Variants in SOX5 observed in about 807,000 individuals in gnomAD.
SOX5 encodes transcription factor SOX-5.
Under a neutral mutation model 92.0 loss-of-function variants are expected in SOX5, and 9 were observed. The ratio of observed to expected loss-of-function variants is 0.10; its 90% CI spans 0.06 to 0.17. The LOEUF (loss-of-function observed/expected upper bound fraction) is 0.17. Ranked by LOEUF, SOX5 falls within the 10% of genes least tolerant of loss-of-function variation. The probability of loss-of-function intolerance (pLI) is 1.00; values close to 1 mark genes in which losing one functional copy is unlikely to be tolerated. For synonymous variants in SOX5, 344 were observed against 336.3 expected, an observed-to-expected ratio of 1.02 and a Z score of -0.25; for missense variants, 642 against 944.5, an observed-to-expected ratio of 0.68 and a Z score of 4.20.
At chr12:23,608,115 GAAA>G (rs772255622) in intron 8 of SOX5, among the ~76,000 whole-genome samples, 15 of 44,060 alleles carry the variant, frequency 3.4e-4, no homozygotes, top group African/African-American at 9.3e-4. Context: ...AAAGAAAAAA[GAAA>G]AAAAAAAAAA....
intron 4 of SOX5, among the ~76,000 whole-genome samples, chr12:24,186,225 T>G (rs776874196): frequency 3.3e-5 from 5 of 151,994 alleles, no homozygotes; most frequent in Non-Finnish European, 7.4e-5. Context: ...AGCAAAATAT[T>G]TAGAGAATTC....
chr12:24,196,894 C>A (rs995930293), intron 4 of SOX5, among the ~76,000 whole-genome samples: 3 of 152,074 alleles, frequency 2.0e-5, no homozygotes, highest in South Asian at 4.2e-4. Context: ...CAGAGCTAAA[C>A]CCTGTCTTGA....
intron 1 of SOX5, among the ~76,000 whole-genome samples, chr12:23,904,058 C>G (rs1318114350): frequency 6.6e-6 from 1 of 152,104 alleles, no homozygotes; most frequent in East Asian, 1.9e-4. Flanking sequence ...TCTTATAGTT[C>G]ATGCTTTCCT....
At chr12:23,902,544 A>G (rs1248605470) in intron 1 of SOX5, among the ~76,000 whole-genome samples, 1 of 152,020 alleles carries the variant, frequency 6.6e-6, no homozygotes, top group African/African-American at 2.4e-5. Flanking sequence ...ATCTCAAACT[A>G]TATCATCAAC....
At chr12:23,663,266 G>A (rs1220973796) in intron 7 of SOX5, among the ~76,000 whole-genome samples, 1 of 152,044 alleles carries the variant, frequency 6.6e-6, no homozygotes, top group Non-Finnish European at 1.5e-5. Context: ...TATTTCCAAG[G>A]TTACAAAAGA....
At chr12:24,191,537 G>A (rs1401474170) in intron 4 of SOX5, among the ~76,000 whole-genome samples, 2 of 152,150 alleles carry the variant, frequency 1.3e-5, no homozygotes, top group Non-Finnish European at 2.9e-5. Context: ...CCAACAGCTA[G>A]ATATTCAGCA....
intron 1 of SOX5, among the ~76,000 whole-genome samples, chr12:24,442,745 C>T (rs1026955383): frequency 1.1e-4 from 17 of 151,962 alleles, no homozygotes; most frequent in African/African-American, 3.6e-4. Flanking sequence ...TGGTGAAGAG[C>T]GAGCAAGAGA....
intron 6 of SOX5, among the ~76,000 whole-genome samples, chr12:23,700,394 C>T (rs2090464937): frequency 6.6e-6 from 1 of 152,112 alleles, no homozygotes; most frequent in Admixed American, 6.6e-5. Flanking sequence ...TTAAACTTCT[C>T]ATTTTTCTCT....
chr12:24,376,914 T>C (rs1957345394), intron 1 of SOX5, among the ~76,000 whole-genome samples: 1 of 150,818 alleles, frequency 6.6e-6, no homozygotes, highest in Non-Finnish European at 1.5e-5. Flanking sequence ...TTTTACCATG[T>C]TGCCCAGGCT....
Position 23,923,070 on chromosome 12 carries a change from C to G in SOX5, c.38+26494G>C, listed in dbSNP as rs181487327. On this transcript the variant is annotated intron_variant, in intron 1 of 14. Coordinates refer to ENST00000451604, the MANE Select transcript of SOX5 (RefSeq NM_006940.6). ...CCGCCATTCTCCTGCCTCAGCCTCC[C>G]GAGTAGCTGGGACTACAGGCGCCCG... Among the ~76,000 whole-genome samples the G allele has an allele frequency of 3.5e-3, 527 of 151,960 alleles. 3 individuals are homozygous for G. The highest frequency in any genetic ancestry group is 0.012 in the African/African-American group (483 of 41,478).
chr12:23,855,281 CTTTTGT>C (rs548835642), intron 2 of SOX5, among the ~76,000 whole-genome samples: 2 of 151,690 alleles, frequency 1.3e-5, no homozygotes, highest in African/African-American at 2.4e-5. Flanking sequence ...ACAAACTTTT[CTTTTGT>C]TTTTAAGAGA....
intron 1 of SOX5, among the ~76,000 whole-genome samples, chr12:23,918,925 G>GAAA (rs111430391): frequency 7.9e-6 from 1 of 126,680 alleles, no homozygotes; most frequent in African/African-American, 2.8e-5. Context: ...TCAAAAAAAA[G>GAAA]AAAAAAAAAG....
chr12:24,530,277 A>G (rs748353634), intron 1 of SOX5, among the ~76,000 whole-genome samples: 1 of 152,228 alleles, frequency 6.6e-6, no homozygotes, highest in Non-Finnish European at 1.5e-5. Flanking sequence ...TTTACAGGCA[A>G]GGAAAGAAAG....
intron 1 of SOX5, among the ~76,000 whole-genome samples, chr12:23,941,880 T>A (rs1466293972): frequency 3.3e-5 from 5 of 151,144 alleles, no homozygotes; most frequent in Non-Finnish European, 7.4e-5. Flanking sequence ...TAACCTGAAT[T>A]ATATGTGACA....
At chr12:23,558,987 C>G (rs1220900747) in intron 11 of SOX5, among the ~76,000 whole-genome samples, 2 of 152,224 alleles carry the variant, frequency 1.3e-5, no homozygotes, top group African/African-American at 4.8e-5. Flanking sequence ...AGTAAAGGCA[C>G]AGTCTTCCCA....
chr12:24,431,085 A>T (rs948919310), intron 1 of SOX5, among the ~76,000 whole-genome samples: 8 of 152,164 alleles, frequency 5.3e-5, no homozygotes, highest in African/African-American at 1.9e-4. Flanking sequence ...TTTAAAGAAG[A>T]CTTCATATTG....
chr12:24,465,021 GGATGATGACAGA>G (rs1944070772), intron 1 of SOX5, among the ~76,000 whole-genome samples: 1 of 152,190 alleles, frequency 6.6e-6, no homozygotes, highest in Admixed American at 6.5e-5. Context: ...GTGCTCATCG[GGATGATGACAGA>G]GATGATGACA....
chr12:23,709,382 G>T (rs1593506248), intron 6 of SOX5, among the ~76,000 whole-genome samples: 1 of 152,098 alleles, frequency 6.6e-6, no homozygotes, highest in East Asian at 1.9e-4. Flanking sequence ...TGGGATTACA[G>T]GCGTGAGCTA....
chr12:24,506,389 A>G lies in SOX5; in HGVS notation c.-251+55940T>C, dbSNP rs186908841. On this transcript the variant is annotated intron_variant, in intron 1 of 4. Transcript: ENST00000446891. The stretch of plus-strand genomic sequence containing the variant: ...TTCGAAAATGAACACAAATGTTCCA[A>G]GAGGCACATAAATTTACAAAAAAAA... Among the ~76,000 whole-genome samples the G allele has an allele frequency of 6.1e-3, 875 of 143,714 alleles. 4 individuals carry two copies. The highest frequency in any genetic ancestry group is 8.4e-3 in the Non-Finnish European group (558 of 66,722). The allele number at this position is 143,714 out of a possible 152,430, so 94.3% of individuals were successfully genotyped here.
Sources: allele counts gnomAD v4.1 joint callset (sites outside exome capture counted in the v4.1 genomes callset), GRCh38; gene constraint gnomAD v4.1.1; transcripts MANE v1.5; gene names NCBI Gene and HGNC (gene_info 2026-07-23, HGNC 2026-07-21).